The following MGAT5 variants were observed in gnomAD, a reference collection of about 807,000 sequenced individuals.
The protein encoded by MGAT5 is alpha-1,6-mannosylglycoprotein 6-beta-N-acetylglucosaminyltransferase A.
MGAT5 carries 30 observed loss-of-function variants against 94.3 expected under a neutral mutation model. The observed-to-expected ratio is 0.32, with a 90% CI of 0.24 to 0.43. The LOEUF (loss-of-function observed/expected upper bound fraction) is 0.43, where lower values mean the gene tolerates loss of function less well. Ranked by LOEUF, MGAT5 falls within the 20% of genes least tolerant of loss-of-function variation. MGAT5 has a pLI of 1.00. For synonymous variants in MGAT5, 310 were observed against 322.9 expected (o/e 0.96, Z 0.43); for missense variants, 691 against 905.5 (o/e 0.76, Z 3.04).
At chr2:134,382,530 T>TATAG (rs1681700042) in intron 10 of MGAT5, among the ~76,000 whole-genome samples, 1 of 152,086 alleles carries the variant, frequency 6.6e-6, no homozygotes, top group Non-Finnish European at 1.5e-5. Context: ...TAAAGCTAAA[T>TATAG]ATAGGGCCTT....
chr2:134,323,620 T>C (rs1442782221), intron 4 of MGAT5, among the ~76,000 whole-genome samples: 2 of 152,166 alleles, frequency 1.3e-5, no homozygotes, highest in Non-Finnish European at 2.9e-5. Flanking sequence ...CTTAGGTAGC[T>C]AACTTGCAGC....
chr2:134,263,642 G>C (rs552651690), intron 1 of MGAT5, among the ~76,000 whole-genome samples: 13 of 152,292 alleles, frequency 8.5e-5, no homozygotes, highest in African/African-American at 2.9e-4. Flanking sequence ...ATGAGATAAG[G>C]CAGTAAGGGT....
chr2:134,407,164 C>T (rs569167827), intron 11 of MGAT5, among the ~76,000 whole-genome samples: 4 of 152,306 alleles, frequency 2.6e-5, no homozygotes, highest in South Asian at 2.1e-4. Context: ...TCTGATACCC[C>T]GTTCCTGCCT....
Position 134,254,537 on chromosome 2 carries a change from T to C in MGAT5, c.134T>C (p.Met45Thr). The change falls in exon 1 of 16, where the codon ATG becomes ACG. Residue 45 changes from methionine (M) to threonine (T), a missense_variant. Coordinates refer to ENST00000281923, the MANE Select transcript of MGAT5 (RefSeq NM_002410.5). ...QQRTQPESSS[M>T]LREQILDLSK... ...CGAACTCAGCCTGAAAGCAGCTCCA[T>C]GCTGCGCGAGCAGATCCTGGACCTC... is the stretch of plus-strand genomic sequence containing the variant. 2 of 1,614,202 alleles carry C rather than the reference T, an allele frequency of 1.2e-6. No individual in the cohort carries two copies. Among genetic ancestry groups the C allele is most frequent in the East Asian group, 4.5e-5 (2 of 44,884 alleles).
intron 1 of MGAT5, among the ~76,000 whole-genome samples, chr2:134,189,602 G>GTTGTTGTTTTTTTTTTTTTT (rs1689232395): frequency 3.5e-5 from 3 of 84,672 alleles, no homozygotes; most frequent in African/African-American, 1.4e-4. Flanking sequence ...GTTTTTTTTT[G>GTTGTTGTTTTTTTTTTTTTT]TTTTTTTTTT....
At chr2:134,424,180 C>T (rs1379587494) in intron 13 of MGAT5, among the ~76,000 whole-genome samples, 4 of 152,096 alleles carry the variant, frequency 2.6e-5, no homozygotes. Context: ...CACAGTGTGA[C>T]TGAAAGGGAA....
intron 2 of MGAT5, among the ~76,000 whole-genome samples, chr2:134,284,127 A>G (rs981546936): frequency 6.6e-6 from 1 of 152,190 alleles, no homozygotes; most frequent in East Asian, 1.9e-4. Context: ...ATGTTCTAAC[A>G]TTTCCTCCAA....
At chr2:134,287,353 A>G (rs1416524298) in intron 2 of MGAT5, among the ~76,000 whole-genome samples, 2 of 152,224 alleles carry the variant, frequency 1.3e-5, no homozygotes, top group African/African-American at 2.4e-5. Context: ...GTGAGGTATT[A>G]TATTTAAAAA....
chr2:134,414,616 A>G (rs1390730288), intron 12 of MGAT5, among the ~76,000 whole-genome samples: 1 of 151,750 alleles, frequency 6.6e-6, no homozygotes, highest in Non-Finnish European at 1.5e-5. Flanking sequence ...TATTTTTTTC[A>G]TGGTAAAAAC....
At chr2:134,335,970 G>A (rs913844385) in intron 4 of MGAT5, among the ~76,000 whole-genome samples, 2 of 152,144 alleles carry the variant, frequency 1.3e-5, no homozygotes, top group Non-Finnish European at 1.5e-5. Flanking sequence ...ATTAATTGCT[G>A]TAAAGTACTT....
At chr2:134,390,824 G>C (rs1682355996) in intron 10 of MGAT5, among the ~76,000 whole-genome samples, 1 of 151,972 alleles carries the variant, frequency 6.6e-6, no homozygotes, top group Admixed American at 6.6e-5. Flanking sequence ...AACATAGCAA[G>C]TTATTTGGGC....
intron 4 of MGAT5, among the ~76,000 whole-genome samples, chr2:134,334,634 T>C (rs1205733310): frequency 4.0e-5 from 6 of 151,262 alleles, no homozygotes; most frequent in Non-Finnish European, 7.4e-5. Context: ...ACAAATCTAA[T>C]TGGAGCTAAA....
At chr2:134,239,352 C>T (rs1681842651) in intron 1 of MGAT5, among the ~76,000 whole-genome samples, 1 of 152,166 alleles carries the variant, frequency 6.6e-6, no homozygotes, top group Non-Finnish European at 1.5e-5. Context: ...TTATCAATTA[C>T]TTTTTGGGGC....
At chr2:134,281,118 G>A (rs992201998) in intron 2 of MGAT5, among the ~76,000 whole-genome samples, 5 of 152,200 alleles carry the variant, frequency 3.3e-5, no homozygotes, top group Admixed American at 2.0e-4. Context: ...CTGACCCTCC[G>A]ATTCATGCTC....
At chr2:134,215,868 G>C (rs1680472409) in intron 1 of MGAT5, among the ~76,000 whole-genome samples, 1 of 152,142 alleles carries the variant, frequency 6.6e-6, no homozygotes, top group Non-Finnish European at 1.5e-5. Context: ...CTCCATGGTT[G>C]GTATTTGTCT....
intron 1 of MGAT5, among the ~76,000 whole-genome samples, chr2:134,186,380 CTT>C (rs201791165): frequency 5.2e-5 from 7 of 135,888 alleles, no homozygotes; most frequent in Admixed American, 7.2e-5. Context: ...GGAGTCGTTT[CTT>C]TTTTTTTTTT....
At chr2:134,371,031 G>A (rs1453689445) in intron 10 of MGAT5, among the ~76,000 whole-genome samples, 2 of 152,192 alleles carry the variant, frequency 1.3e-5, no homozygotes, top group African/African-American at 4.8e-5. Context: ...CCCTGTTTCA[G>A]CAAGCTTTAT....
chr2:134,389,311 T>C (rs775169485), intron 10 of MGAT5, among the ~76,000 whole-genome samples: 1 of 152,228 alleles, frequency 6.6e-6, no homozygotes. Context: ...AGTAATGCTA[T>C]ATTGACTAGT....
At chr2:134,256,624 A>T (rs376580177) in intron 1 of MGAT5, among the ~76,000 whole-genome samples, 2 of 152,184 alleles carry the variant, frequency 1.3e-5, no homozygotes, top group Admixed American at 1.3e-4. Context: ...CAGAAATATT[A>T]TTTTTTAAGT....
Sources: gnomAD v4.1 joint callset for allele counts (sites outside exome capture counted in the v4.1 genomes callset) on GRCh38, gnomAD v4.1.1 for gene constraint, MANE v1.5 for transcripts, NCBI Gene and HGNC (gene_info 2026-07-23, HGNC 2026-07-21) for gene names.